Variants in RUSC2 observed in about 807,000 individuals in gnomAD.
RUSC2 encodes AP-4 complex accessory subunit RUSC2.
Under a neutral mutation model 122.2 loss-of-function variants are expected in RUSC2, and 34 were observed. The observed-to-expected ratio is 0.28, with a 90% CI of 0.21 to 0.37. The LOEUF (loss-of-function observed/expected upper bound fraction) is 0.37, where lower values mean the gene tolerates loss of function less well. RUSC2 is among the 10% of genes least tolerant of loss of function. The pLI, the probability that RUSC2 is intolerant of heterozygous loss-of-function variation, is 1.00. For missense variants in RUSC2, 1,747 were observed against 1,952.4 expected (o/e 0.89, Z 1.98); for synonymous variants, 784 against 790.0 (o/e 0.99, Z 0.13).
intron 2 of RUSC2, among the ~76,000 whole-genome samples, 169 bp from the exon 3 acceptor site, chr9:35,554,891 C>T (rs1821974086): frequency 6.6e-6 from 1 of 152,138 alleles, no homozygotes; most frequent in African/African-American, 2.4e-5. Flanking sequence ...CAATAGGAAG[C>T]GTTTTACAAA....
intron 1 of RUSC2, among the ~76,000 whole-genome samples, chr9:35,494,117 C>T (rs10814242): frequency 0.17 from 26,120 of 150,338 alleles, 2,414 homozygotes; most frequent in Admixed American, 0.26. Flanking sequence ...TGCATAAGGG[C>T]TCCAATTTTT....
chr9:35,536,383 G>A (rs761689284), intron 1 of RUSC2, among the ~76,000 whole-genome samples: 23 of 152,182 alleles, frequency 1.5e-4, no homozygotes, highest in Non-Finnish European at 2.6e-4. Flanking sequence ...GGGTCTGGTA[G>A]GTTTGGATAA....
chr9:35,559,163 ATCTG>A, intron 8 of RUSC2, 59 bp from the exon 9 acceptor site: 3 of 1,331,576 alleles, frequency 2.3e-6, no homozygotes, highest in Non-Finnish European at 3.2e-6. Context: ...GACCCCCTGG[ATCTG>A]TCTCCTTATC....
At chr9:35,503,598 C>A (rs769463426) in intron 1 of RUSC2, among the ~76,000 whole-genome samples, 2 of 152,072 alleles carry the variant, frequency 1.3e-5, no homozygotes, top group Non-Finnish European at 2.9e-5. Context: ...ATAGTGACTT[C>A]TTTTCCTTTG....
chr9:35,522,181 C>G (rs1040837237), intron 1 of RUSC2, among the ~76,000 whole-genome samples: 2 of 152,214 alleles, frequency 1.3e-5, no homozygotes, highest in African/African-American at 2.4e-5. Context: ...AAGTTTATTT[C>G]TGTTCTGGGA....
intron 1 of RUSC2, among the ~76,000 whole-genome samples, chr9:35,507,201 A>T (rs1820931808): frequency 6.6e-6 from 1 of 152,198 alleles, no homozygotes; most frequent in African/African-American, 2.4e-5. Context: ...GTTTACATGC[A>T]TATATAAATT....
intron 1 of RUSC2, among the ~76,000 whole-genome samples, chr9:35,535,482 A>G (rs1218014633): frequency 1.5e-5 from 2 of 136,864 alleles, no homozygotes; most frequent in African/African-American, 5.4e-5. Flanking sequence ...TTTCAAGCCT[A>G]TTGAGTCAAG....
chr9:35,502,450 G>A (rs1193435306), intron 1 of RUSC2, among the ~76,000 whole-genome samples: 1 of 152,214 alleles, frequency 6.6e-6, no homozygotes, highest in African/African-American at 2.4e-5. Context: ...TTGTGAAGAA[G>A]AGTTCTAAGG....
At chr9:35,517,630 G>C (rs1821133092) in intron 1 of RUSC2, among the ~76,000 whole-genome samples, 2 of 152,146 alleles carry the variant, frequency 1.3e-5, no homozygotes, top group Non-Finnish European at 2.9e-5. Context: ...CTTATGTCTA[G>C]GTAAGCATAT....
chr9:35,546,535 C>G lies in RUSC2; in HGVS notation c.14C>G (p.Pro5Arg). ...GAACTTTCCAGAATGGATAGTCCCC[C>G]AAAGCTGACTGGAGAGACCCTCATC... MDSP[P>R]KLTGETLIVH... The change falls in exon 2 of 12, where the codon CCA (proline) becomes CGA (arginine). Residue 5 changes from proline (P) to arginine (R), a missense_variant. Pro to Arg is a moderately radical substitution (Grantham distance 103). Transcript: ENST00000361226. This position sits in a 1 kb window ranked among gnomAD's most constrained non-coding sequence, Gnocchi z 4.3. 6.8e-7 allele frequency: 1 copy of G among 1,462,244 alleles called. No homozygotes were observed. The highest frequency in any genetic ancestry group is 9.0e-7 in the Non-Finnish European group (1 of 1,105,312). 90.6% of individuals were successfully genotyped at this position (1,462,244 alleles called of 1,614,324 possible). A position where few individuals can be genotyped will look rare whatever the true frequency, so the allele number is the denominator to read the frequency against.
intron 1 of RUSC2, among the ~76,000 whole-genome samples, chr9:35,513,237 A>G (rs1360689217): frequency 2.8e-5 from 4 of 145,072 alleles, no homozygotes. Flanking sequence ...TTGTTGCTTG[A>G]GACAGAGTCT....
chr9:35,535,836 G>A (rs376598325), intron 1 of RUSC2, among the ~76,000 whole-genome samples: 2 of 152,042 alleles, frequency 1.3e-5, no homozygotes, highest in Admixed American at 6.5e-5. Context: ...CACCGTGCCC[G>A]GCCAAGCATC....
Position 35,555,772 on chromosome 9 carries a change from T to C in RUSC2, c.2656+71T>C. On this transcript the variant is annotated intron_variant, in intron 3 of 11. Coordinates refer to ENST00000361226, the MANE Select transcript of RUSC2 (RefSeq NM_014806.5). The surrounding 1 kb of genome is among the most constrained non-coding windows in gnomAD (Gnocchi z 4.6). Reference sequence around the variant, plus strand: ...GCACTTCCACCACCTCCCCTTTGAGTGGTTGCTTACACTCTCACCTGGGGC... The same window carrying C: ...GCACTTCCACCACCTCCCCTTTGAGCGGTTGCTTACACTCTCACCTGGGGC... 6.6e-7 allele frequency: 1 copy of C among 1,518,502 alleles called. No homozygotes were observed. Among genetic ancestry groups the C allele is most frequent in the Non-Finnish European group, 8.8e-7 (1 of 1,137,910 alleles). The allele number at this position is 1,518,502 out of a possible 1,614,324, so 94.1% of individuals were successfully genotyped here.
intron 1 of RUSC2, chr9:35,539,121 G>A (rs989668161): frequency 6.6e-6 from 1 of 152,042 alleles, no homozygotes; most frequent in African/African-American, 2.4e-5. Context: ...ATGGCTCAGG[G>A]AGCTGGGGGA....
intron 1 of RUSC2, among the ~76,000 whole-genome samples, chr9:35,541,902 T>A (rs563080620): frequency 1.3e-3 from 198 of 148,842 alleles, no homozygotes; most frequent in Middle Eastern, 3.6e-3. Context: ...ATATATAAAA[T>A]TTTTTTAAAT....
Position 35,560,856 on chromosome 9 carries a change from G to A in RUSC2, c.4211+5G>A. ...GGAGGCCCGGCCCACAAATAGGTGA[G>A]AGCCTGCCCATGGTAGGGATGGAGG... On this transcript the variant is annotated splice_donor_5th_base_variant and intron_variant, in intron 10 of 11. Coordinates refer to ENST00000361226, the MANE Select transcript of RUSC2 (RefSeq NM_014806.5). 1 of 1,546,562 alleles carries A rather than the reference G, an allele frequency of 6.5e-7. No individual in the cohort carries two copies.
intron 1 of RUSC2, among the ~76,000 whole-genome samples, chr9:35,524,970 C>CAA (rs931642143): frequency 1.5e-4 from 16 of 107,956 alleles, no homozygotes; most frequent in Admixed American, 1.9e-4. Flanking sequence ...GACTCCATCT[C>CAA]AAAAAAAAAA....
chr9:35,511,613 C>G (rs1367439287), intron 1 of RUSC2, among the ~76,000 whole-genome samples: 1 of 152,150 alleles, frequency 6.6e-6, no homozygotes, highest in Non-Finnish European at 1.5e-5. Context: ...ATTTCAGTTC[C>G]TCGAACTTAG....
Position 35,555,213 on chromosome 9 carries a change from C to G in RUSC2, c.2168C>G (p.Ser723Ter). The stretch of plus-strand genomic sequence containing the variant: ...AGCCTTTCCCAGCTCTACAGCCTCT[C>G]AGGCTGCAGCCGTACACAGCAGCCT... ...LHSLSQLYSL[S>*]GCSRTQQPAP... is the part of the protein sequence containing the mutation. Residue 723 changes from serine to a stop codon, truncating the protein, a stop_gained, in exon 3 of 12, where the codon TCA becomes TGA. Transcript: ENST00000361226. LOFTEE classifies it high-confidence loss of function. The surrounding 1 kb of genome is among the most constrained non-coding windows in gnomAD (Gnocchi z 4.6). 1 of 1,613,274 alleles carries G rather than the reference C, an allele frequency of 6.2e-7. No homozygotes were observed. Among genetic ancestry groups the G allele is most frequent in the Non-Finnish European group, 8.5e-7 (1 of 1,180,028 alleles).
Sources: allele counts gnomAD v4.1 joint callset (sites outside exome capture counted in the v4.1 genomes callset), GRCh38; gene constraint gnomAD v4.1.1; non-coding constraint Gnocchi (gnomAD v3.1); transcripts MANE v1.5; gene names NCBI Gene and HGNC (gene_info 2026-07-23, HGNC 2026-07-21).